STRN3: variants seen among roughly 807,000 people sequenced by gnomAD.
The protein encoded by STRN3 is striatin-3.
Under a neutral mutation model 95.6 loss-of-function variants are expected in STRN3, and 29 were observed. The observed-to-expected ratio is 0.30, with a 90% CI of 0.23 to 0.41. STRN3 has a LOEUF of 0.41. Among genes scored for constraint, STRN3 ranks in the 10% least tolerant of loss-of-function variants. The probability of loss-of-function intolerance (pLI) is 1.00; values close to 1 mark genes in which losing one functional copy is unlikely to be tolerated. For synonymous variants in STRN3, 331 were observed against 357.6 expected (o/e 0.93, Z 0.84); for missense variants, 890 against 972.1 (o/e 0.92, Z 1.12).
chr14:30,953,944 C>G (rs1879778414), intron 3 of STRN3, among the ~76,000 whole-genome samples: 1 of 152,062 alleles, frequency 6.6e-6, no homozygotes, highest in African/African-American at 2.4e-5. Context: ...ATGTTATATC[C>G]TCTTTAATAA....
intron 9 of STRN3, among the ~76,000 whole-genome samples, chr14:30,914,498 G>A (rs764736737): frequency 2.6e-5 from 4 of 152,006 alleles, no homozygotes; most frequent in Non-Finnish European, 4.4e-5. Context: ...GATTACAGGC[G>A]CCCGCCACCA....
chr14:31,025,555 G>T (rs1443149595), intron 1 of STRN3: 8 of 333,198 alleles, frequency 2.4e-5, no homozygotes, highest in Non-Finnish European at 4.0e-5. Flanking sequence ...AGTGTTGAGA[G>T]GCCCCAAACC....
chr14:31,024,363 T>C (rs1024398863), intron 1 of STRN3, among the ~76,000 whole-genome samples: 15 of 152,338 alleles, frequency 9.8e-5, no homozygotes, highest in African/African-American at 3.1e-4. Context: ...AAGTTTGCAG[T>C]ATGTAGTAGA....
At chr14:30,966,068 C>T (rs1880484628) in intron 1 of STRN3, among the ~76,000 whole-genome samples, 1 of 151,498 alleles carries the variant, frequency 6.6e-6, no homozygotes, top group South Asian at 2.1e-4. Context: ...CTGCTACCTG[C>T]TCTGCCCTGA....
chr14:31,014,814 A>T (rs1202004652), intron 1 of STRN3: 23 of 190,454 alleles, frequency 1.2e-4, no homozygotes, highest in Middle Eastern at 4.2e-3. Context: ...AAACCACTTT[A>T]AAAAAAAAAA....
intron 1 of STRN3, among the ~76,000 whole-genome samples, chr14:31,022,959 T>C (rs1295337744): frequency 6.6e-6 from 1 of 152,188 alleles, no homozygotes; most frequent in African/African-American, 2.4e-5. Context: ...ACTTACTTGA[T>C]TTCTTCATTT....
intron 5 of STRN3, among the ~76,000 whole-genome samples, chr14:30,937,065 A>T (rs1056164198): frequency 6.6e-6 from 1 of 152,164 alleles, no homozygotes; most frequent in Non-Finnish European, 1.5e-5. Context: ...TCATGCCTGT[A>T]ATCCCAGCAC....
chr14:30,993,554 G>A (rs1416672908), intron 1 of STRN3, among the ~76,000 whole-genome samples: 1 of 152,098 alleles, frequency 6.6e-6, no homozygotes, highest in Non-Finnish European at 1.5e-5. Flanking sequence ...CCTTGTAGTA[G>A]CCTATGGCAT....
At chr14:31,014,154 C>T (rs746215796) in intron 1 of STRN3, among the ~76,000 whole-genome samples, 13 of 152,012 alleles carry the variant, frequency 8.6e-5, no homozygotes, top group Non-Finnish European at 1.3e-4. Flanking sequence ...ATCCTCCTGC[C>T]TTGGTCTCCC....
chr14:30,969,873 G>A (rs1276204913), intron 1 of STRN3, among the ~76,000 whole-genome samples: 1 of 152,080 alleles, frequency 6.6e-6, no homozygotes, highest in Non-Finnish European at 1.5e-5. Context: ...ATCAAAGAGT[G>A]GAAAGAAAAA....
chr14:30,904,961 TAAA>T (rs374512182), intron 15 of STRN3, among the ~76,000 whole-genome samples: 5 of 126,044 alleles, frequency 4.0e-5, no homozygotes, highest in South Asian at 2.5e-4. Context: ...TTTCGTCAAT[TAAA>T]AAAAAAAAAA....
intron 1 of STRN3, among the ~76,000 whole-genome samples, chr14:31,007,620 T>C (rs1349552398): frequency 1.3e-5 from 2 of 152,102 alleles, no homozygotes; most frequent in Non-Finnish European, 2.9e-5. Context: ...TATTGTCAGA[T>C]GGTCAGGTGC....
At chr14:30,916,933 A>C (rs149706852) in intron 9 of STRN3, among the ~76,000 whole-genome samples, 1 of 152,220 alleles carries the variant, frequency 6.6e-6, no homozygotes, top group South Asian at 2.1e-4. Flanking sequence ...TCCAGGTAAC[A>C]GATTCCATTT....
chr14:30,908,943 T>C (rs1397079361), intron 13 of STRN3, among the ~76,000 whole-genome samples: 4 of 152,244 alleles, frequency 2.6e-5, no homozygotes, highest in East Asian at 1.9e-4. Flanking sequence ...CTACTTGATA[T>C]TTGTCATCCT....
intron 1 of STRN3, among the ~76,000 whole-genome samples, chr14:30,995,797 T>A (rs1220486391): frequency 6.6e-6 from 1 of 152,214 alleles, no homozygotes; most frequent in Non-Finnish European, 1.5e-5. Context: ...CACACGAGGC[T>A]ACATGTAGCA....
intron 1 of STRN3, among the ~76,000 whole-genome samples, chr14:31,020,026 TCA>T (rs1245695150): frequency 6.6e-6 from 1 of 152,056 alleles, no homozygotes; most frequent in African/African-American, 2.4e-5. Context: ...CCTGGCCAGT[TCA>T]CAGTTTAAAT....
At chr14:30,954,384 T>G (rs1879800790) in intron 3 of STRN3, among the ~76,000 whole-genome samples, 1 of 152,208 alleles carries the variant, frequency 6.6e-6, no homozygotes, top group African/African-American at 2.4e-5. Flanking sequence ...AATCAATATT[T>G]TGTACATTTT....
At position 30,895,308 on chromosome 14, in the gene STRN3, G is replaced by T; in HGVS notation, c.*103C>A. The T allele has an allele frequency of 8.1e-7, 1 of 1,232,078 alleles. No individual in the cohort carries two copies. The highest frequency in any genetic ancestry group is 1.1e-6 in the Non-Finnish European group (1 of 914,072). The allele number at this position is 1,232,078 out of a possible 1,614,324, so 76.3% of individuals were successfully genotyped here. On this transcript the variant is annotated 3_prime_UTR_variant, in exon 18 of 18. Coordinates refer to ENST00000357479, the MANE Select transcript of STRN3 (RefSeq NM_001083893.2). ...TGCCTGCCCCAGATAGCCTTCACCA[G>T]GCAGATCACATGTAGTGTCATATCA... is the stretch of plus-strand genomic sequence containing the variant.
chr14:30,917,220 C>T (rs9322866), intron 9 of STRN3, among the ~76,000 whole-genome samples: 62,328 of 151,982 alleles, frequency 0.41, 12,926 homozygotes, highest in East Asian at 0.45. Context: ...GAAGTTCACA[C>T]TTATCAAATC....
Sources: gnomAD v4.1 joint callset for allele counts (sites outside exome capture counted in the v4.1 genomes callset) on GRCh38, gnomAD v4.1.1 for gene constraint, MANE v1.5 for transcripts, NCBI Gene and HGNC (gene_info 2026-07-23, HGNC 2026-07-21) for gene names.